The following FRMD4B variants were observed in gnomAD, a reference collection of about 807,000 sequenced individuals.
The protein encoded by FRMD4B is FERM domain containing 4B.
A neutral mutation model predicts 141.5 loss-of-function variants in FRMD4B; 74 were observed. The ratio of observed to expected loss-of-function variants is 0.52; its 90% CI spans 0.43 to 0.63. The LOEUF is 0.63. FRMD4B is among the 30% of genes least tolerant of loss of function. FRMD4B has a pLI of 0.00. For missense variants in FRMD4B, 1,366 were observed against 1,253.4 expected (o/e 1.09, Z -1.36); for synonymous variants, 506 against 467.9 (o/e 1.08, Z -1.05).
intron 1 of FRMD4B, among the ~76,000 whole-genome samples, chr3:69,467,797 TC>T (rs1705818978): frequency 6.6e-6 from 1 of 152,186 alleles, no homozygotes; most frequent in East Asian, 1.9e-4. Context: ...GGGTACAGAA[TC>T]CATGCTAGGT....
At chr3:69,220,285 C>T (rs1471651325) in intron 9 of FRMD4B, among the ~76,000 whole-genome samples, 1 of 152,090 alleles carries the variant, frequency 6.6e-6, no homozygotes, top group Non-Finnish European at 1.5e-5. Context: ...AATTATAATA[C>T]AATGGTAAGT....
chr3:69,289,625 CT>C (rs1189555551), intron 4 of FRMD4B, among the ~76,000 whole-genome samples: 1 of 5,608 alleles, frequency 1.8e-4, no homozygotes, highest in Non-Finnish European at 8.5e-3. Flanking sequence ...GTGAAACTGT[CT>C]CTTACTAAAA....
intron 1 of FRMD4B, among the ~76,000 whole-genome samples, chr3:69,497,431 C>T (rs750677282): frequency 1.3e-5 from 2 of 152,110 alleles, no homozygotes; most frequent in African/African-American, 2.4e-5. Context: ...AAAAGAATTT[C>T]GGACGACTGA....
At chr3:69,206,263 T>C (rs1018517168) in intron 11 of FRMD4B, among the ~76,000 whole-genome samples, 7 of 151,988 alleles carry the variant, frequency 4.6e-5, no homozygotes, top group African/African-American at 1.2e-4. Flanking sequence ...GGCAGGAAAA[T>C]TGCTTGAACA....
intron 1 of FRMD4B, among the ~76,000 whole-genome samples, chr3:69,357,855 A>G (rs897399225): frequency 6.6e-6 from 1 of 152,212 alleles, no homozygotes; most frequent in African/African-American, 2.4e-5. Context: ...GCACTAAAGA[A>G]AAAATATTTC....
chr3:69,179,202 A>G (rs1309647654), intron 21 of FRMD4B, among the ~76,000 whole-genome samples: 1 of 152,056 alleles, frequency 6.6e-6, no homozygotes, highest in African/African-American at 2.4e-5. Context: ...CAAGGCTCAC[A>G]CCAGGTCTGA....
intron 11 of FRMD4B, among the ~76,000 whole-genome samples, chr3:69,213,628 T>C (rs2093108661): frequency 6.6e-6 from 1 of 150,894 alleles, no homozygotes; most frequent in African/African-American, 2.4e-5. Flanking sequence ...TGTCCTCTAC[T>C]GCTTGTTGAA....
intron 19 of FRMD4B, among the ~76,000 whole-genome samples, chr3:69,184,035 A>G (rs2092739065): frequency 6.6e-6 from 1 of 152,034 alleles, no homozygotes; most frequent in Admixed American, 6.6e-5. Context: ...AGCTGGAATT[A>G]CAGGTGTACA....
At chr3:69,410,090 C>G (rs1704727759) in intron 2 of FRMD4B, among the ~76,000 whole-genome samples, 1 of 152,168 alleles carries the variant, frequency 6.6e-6, no homozygotes, top group South Asian at 2.1e-4. Context: ...ACACAATTTC[C>G]TAGTGCACAG....
intron 4 of FRMD4B, among the ~76,000 whole-genome samples, chr3:69,302,089 G>T (rs1056829682): frequency 2.0e-5 from 3 of 152,164 alleles, no homozygotes; most frequent in African/African-American, 7.2e-5. Context: ...TTTCTAAGAG[G>T]CTTTGAGGAA....
At chr3:69,201,681 G>GT (rs1200505213) in intron 11 of FRMD4B, among the ~76,000 whole-genome samples, 1 of 152,118 alleles carries the variant, frequency 6.6e-6, no homozygotes, top group Non-Finnish European at 1.5e-5. Flanking sequence ...CTCCTACTGT[G>GT]TTTTTTATTT....
chr3:69,359,919 A>T (rs553685274), intron 1 of FRMD4B, among the ~76,000 whole-genome samples: 9 of 152,354 alleles, frequency 5.9e-5, no homozygotes, highest in African/African-American at 1.7e-4. Context: ...GATGTCTGGT[A>T]GCATAAGTCT....
At chr3:69,178,039 G>A (rs539613688) in intron 21 of FRMD4B, among the ~76,000 whole-genome samples, 4 of 152,304 alleles carry the variant, frequency 2.6e-5, no homozygotes, top group East Asian at 3.9e-4. Flanking sequence ...ATTTGGGAGC[G>A]AAGCCCAACA....
intron 4 of FRMD4B, among the ~76,000 whole-genome samples, chr3:69,301,845 T>G (rs1701228087): frequency 6.6e-6 from 1 of 152,252 alleles, no homozygotes; most frequent in African/African-American, 2.4e-5. Flanking sequence ...CAGATCCCTG[T>G]ACTGTTAATT....
At chr3:69,387,242 T>C (rs751600112), upstream of FRMD4B, among the ~76,000 whole-genome samples, 31 of 152,134 alleles carry the variant, frequency 2.0e-4, no homozygotes, top group Non-Finnish European at 3.4e-4. Flanking sequence ...GTGATCCATC[T>C]TCCCACCTCA....
intron 4 of FRMD4B, among the ~76,000 whole-genome samples, chr3:69,295,286 A>C (rs540847641): frequency 1.3e-5 from 2 of 152,210 alleles, no homozygotes; most frequent in South Asian, 4.2e-4. Context: ...GTGTTTACCA[A>C]TGCTGAAGAC....
At chr3:69,210,182 T>C (rs906474244) in intron 11 of FRMD4B, among the ~76,000 whole-genome samples, 5 of 152,212 alleles carry the variant, frequency 3.3e-5, no homozygotes, top group Non-Finnish European at 7.3e-5. Context: ...AAAAAGATAC[T>C]TATCTTGAGA....
chr3:69,414,872 T>TG (rs1243686288), intron 2 of FRMD4B, among the ~76,000 whole-genome samples: 1 of 148,502 alleles, frequency 6.7e-6, no homozygotes, highest in Non-Finnish European at 1.5e-5. Flanking sequence ...TTTTTTTTTT[T>TG]TTTTTTTTTT....
At chr3:69,237,449 A>T (rs2093352445) in intron 7 of FRMD4B, among the ~76,000 whole-genome samples, 1 of 152,270 alleles carries the variant, frequency 6.6e-6, no homozygotes, top group Admixed American at 6.5e-5. Flanking sequence ...GCCTCTGGCC[A>T]AATCTAGGGA....
Sources: gnomAD v4.1 joint callset for allele counts (sites outside exome capture counted in the v4.1 genomes callset) on GRCh38, gnomAD v4.1.1 for gene constraint, MANE v1.5 for transcripts, NCBI Gene and HGNC (gene_info 2026-07-23, HGNC 2026-07-21) for gene names.